The following CCDC178 variants were observed in gnomAD, a reference collection of about 807,000 sequenced individuals.
CCDC178 encodes coiled-coil domain containing 178, also known as coiled-coil domain-containing protein 178.
A neutral mutation model predicts 117.4 loss-of-function variants in CCDC178; 126 were observed. The ratio of observed to expected loss-of-function variants is 1.07; its 90% CI spans 0.93 to 1.24. The LOEUF (loss-of-function observed/expected upper bound fraction) is 1.24. Among genes scored for constraint, CCDC178 ranks in the 50% most tolerant of loss-of-function variants. The pLI, the probability that CCDC178 is intolerant of heterozygous loss-of-function variation, is 0.00. For synonymous variants in CCDC178, 283 were observed against 313.4 expected (o/e 0.90, Z 1.02); for missense variants, 1,030 against 986.9 (o/e 1.04, Z -0.59).
intron 12 of CCDC178, among the ~76,000 whole-genome samples, chr18:33,290,010 C>T (rs879363530): frequency 7.9e-5 from 12 of 151,994 alleles, no homozygotes; most frequent in African/African-American, 1.4e-4. Context: ...CTTATGGCTT[C>T]AAAATTCATA....
chr18:33,010,247 T>C (rs2055836043), intron 21 of CCDC178, among the ~76,000 whole-genome samples: 1 of 152,176 alleles, frequency 6.6e-6, no homozygotes, highest in Non-Finnish European at 1.5e-5. Flanking sequence ...CATTTCATAA[T>C]GGGCTACTGA....
intron 15 of CCDC178, among the ~76,000 whole-genome samples, chr18:33,238,042 G>C (rs887433773): frequency 2.0e-4 from 31 of 152,208 alleles, no homozygotes; most frequent in Admixed American, 1.6e-3. Context: ...AATGTCACTA[G>C]CATAGATTAC....
At chr18:33,199,106 A>G (rs2144548645) in intron 20 of CCDC178, among the ~76,000 whole-genome samples, 1 of 152,128 alleles carries the variant, frequency 6.6e-6, no homozygotes, top group East Asian at 1.9e-4. Flanking sequence ...TCCTTATTTC[A>G]GAATACTAGA....
At chr18:33,143,199 A>G (rs1383937680) in intron 20 of CCDC178, among the ~76,000 whole-genome samples, 1 of 152,208 alleles carries the variant, frequency 6.6e-6, no homozygotes, top group Middle Eastern at 3.2e-3. Flanking sequence ...AACAGTCATC[A>G]CAAATAATAT....
chr18:33,008,389 T>C (rs1444910786), intron 21 of CCDC178, among the ~76,000 whole-genome samples: 3 of 152,086 alleles, frequency 2.0e-5, no homozygotes, highest in African/African-American at 7.2e-5. Flanking sequence ...CTTGTTACTG[T>C]GTATGTTTTA....
intron 20 of CCDC178, among the ~76,000 whole-genome samples, chr18:33,158,797 T>A (rs998886237): frequency 5.9e-5 from 9 of 152,102 alleles, no homozygotes; most frequent in African/African-American, 2.2e-4. Context: ...GCCTCAGAAT[T>A]TTTTCCAAGT....
intron 20 of CCDC178, among the ~76,000 whole-genome samples, chr18:33,113,199 A>C (rs1433537134): frequency 6.6e-6 from 1 of 152,070 alleles, no homozygotes; most frequent in African/African-American, 2.4e-5. Flanking sequence ...TTGAATAGTA[A>C]AACTTAAAAA....
chr18:33,249,504 G>A (rs2059591579), intron 14 of CCDC178, among the ~76,000 whole-genome samples: 1 of 152,054 alleles, frequency 6.6e-6, no homozygotes, highest in East Asian at 1.9e-4. Context: ...AGTTTTCCCA[G>A]CACCATTTAC....
intron 17 of CCDC178, 32 bp downstream of exon 17, chr18:33,224,743 C>T (rs1000038821): frequency 3.0e-6 from 4 of 1,335,680 alleles, no homozygotes; most frequent in Non-Finnish European, 4.0e-6. Flanking sequence ...TATATTTCTG[C>T]ACATTAATTT....
Position 33,125,868 on chromosome 18 carries a change from C to T in CCDC178, c.2239-32958G>A, listed in dbSNP as rs28422094. Among the ~76,000 whole-genome samples the T allele has an allele frequency of 2.6e-3, 395 of 152,196 alleles. 1 individual carries two copies. Among genetic ancestry groups the T allele is most frequent in the South Asian group, 4.2e-3 (20 of 4,816 alleles). The stretch of plus-strand genomic sequence containing the variant: ...GAAAGAAGCTTAATGTCCCAGAGGA[C>T]GAGAACTGGATGGGTAGTGGCCTGA... On this transcript the variant is annotated intron_variant, in intron 20 of 22. Coordinates refer to ENST00000383096, the MANE Select transcript of CCDC178 (RefSeq NM_001105528.4).
At chr18:33,327,437 A>T (rs1326410492) in intron 10 of CCDC178, among the ~76,000 whole-genome samples, 3 of 152,054 alleles carry the variant, frequency 2.0e-5, no homozygotes, top group African/African-American at 7.2e-5. Flanking sequence ...TTGTTTTTTT[A>T]GTCTCAGCTT....
intron 21 of CCDC178, among the ~76,000 whole-genome samples, chr18:33,025,917 G>A (rs1391490539): frequency 6.6e-6 from 1 of 152,056 alleles, no homozygotes; most frequent in Non-Finnish European, 1.5e-5. Context: ...ACCTGTGCAT[G>A]GATGTTTATA....
chr18:33,004,035 A>C (rs963415339), intron 21 of CCDC178, among the ~76,000 whole-genome samples: 1 of 152,142 alleles, frequency 6.6e-6, no homozygotes, highest in Admixed American at 6.5e-5. Flanking sequence ...GGACACAAAA[A>C]AATAGAAAAA....
chr18:33,351,611 C>T (rs1157580981), intron 7 of CCDC178, among the ~76,000 whole-genome samples: 2 of 152,192 alleles, frequency 1.3e-5, no homozygotes, highest in Non-Finnish European at 2.9e-5. Flanking sequence ...GGCACAATCA[C>T]AGTTCACTGT....
At chr18:32,977,377 T>G (rs2144702433) in intron 21 of CCDC178, among the ~76,000 whole-genome samples, 1 of 152,218 alleles carries the variant, frequency 6.6e-6, no homozygotes, top group South Asian at 2.1e-4. Flanking sequence ...GCCACAGAGT[T>G]TCCTGGAAAA....
rs755250776 is a variant in CCDC178, at chr18:33,389,586, C to T, written c.162G>A (p.Lys54=). 2 of 1,526,556 alleles carry T rather than the reference C, an allele frequency of 1.3e-6. No individual in the cohort carries two copies. Among genetic ancestry groups the T allele is most frequent in the African/African-American group, 2.8e-5 (2 of 71,150 alleles). 94.6% of individuals were successfully genotyped at this position (1,526,556 alleles called of 1,614,324 possible). ...SQSLVLYGAS[K]ENSEGFHESK... ...TTTCATGAAAACCTTCACTGTTCTC[C>T]TTAGAGGCTCCATATAGAACCAAAC... Residue 54 remains lysine (K), a synonymous_variant, in exon 5 of 23, where the codon AAG becomes AAA. Transcript: ENST00000383096.
chr18:33,252,929 C>A (rs1299242940), intron 14 of CCDC178, among the ~76,000 whole-genome samples: 1 of 151,678 alleles, frequency 6.6e-6, no homozygotes, highest in African/African-American at 2.4e-5. Context: ...GAAATTCATA[C>A]CACACAGTTA....
chr18:33,176,705 G>GT (rs1303004447), intron 20 of CCDC178, among the ~76,000 whole-genome samples: 1 of 151,984 alleles, frequency 6.6e-6, no homozygotes, highest in Non-Finnish European at 1.5e-5. Context: ...AATTACTACA[G>GT]TGTACTGTCT....
chr18:33,149,018 G>A (rs911958508), intron 20 of CCDC178, among the ~76,000 whole-genome samples: 10 of 152,260 alleles, frequency 6.6e-5, no homozygotes, highest in African/African-American at 2.4e-4. Flanking sequence ...TAACTCCTAG[G>A]CTAAAATATT....
Sources: allele counts gnomAD v4.1 joint callset (sites outside exome capture counted in the v4.1 genomes callset), GRCh38; gene constraint gnomAD v4.1.1; transcripts MANE v1.5; gene names NCBI Gene and HGNC (gene_info 2026-07-23, HGNC 2026-07-21).